The following ANK1 variants were observed in gnomAD, a reference collection of about 807,000 sequenced individuals.
ANK1 encodes the protein ankyrin 1, also known as ankyrin-1.
In ANK1, 51 loss-of-function variants were observed where a neutral mutation model predicts 210.4. The observed-to-expected ratio is 0.24, with a 90% CI of 0.19 to 0.31. The LOEUF is 0.31. Ranked by LOEUF, ANK1 falls within the 10% of genes least tolerant of loss-of-function variation. The pLI is 1.00. For synonymous variants in ANK1, 967 were observed against 1,025.9 expected (o/e 0.94, Z 1.10); for missense variants, 2,051 against 2,504.4 (o/e 0.82, Z 3.86).
At chr8:41,735,326 T>G (rs1833157304) in intron 2 of ANK1, among the ~76,000 whole-genome samples, 1 of 152,208 alleles carries the variant, frequency 6.6e-6, no homozygotes, top group Non-Finnish European at 1.5e-5. Context: ...AGAAAATGAT[T>G]TTAGTCAGTG....
intron 1 of ANK1, among the ~76,000 whole-genome samples, chr8:41,863,292 G>C (rs1475529977): frequency 2.0e-5 from 3 of 149,726 alleles, no homozygotes; most frequent in African/African-American, 7.4e-5. Flanking sequence ...CCAGGAGGCA[G>C]AGTTTGCAGT....
intron 1 of ANK1, among the ~76,000 whole-genome samples, chr8:41,861,341 G>A (rs939695926): frequency 6.6e-6 from 1 of 152,152 alleles, no homozygotes; most frequent in Non-Finnish European, 1.5e-5. Flanking sequence ...GCTCCATGAC[G>A]AAAGGGTTCC....
At chr8:41,823,909 T>C (rs1804902897) in intron 1 of ANK1, among the ~76,000 whole-genome samples, 1 of 152,192 alleles carries the variant, frequency 6.6e-6, no homozygotes, top group Non-Finnish European at 1.5e-5. Context: ...TTTTACAACA[T>C]ATATATGTAT....
At chr8:41,799,468 C>T (rs962008833), upstream of ANK1, among the ~76,000 whole-genome samples, 7 of 152,180 alleles carry the variant, frequency 4.6e-5, no homozygotes, top group Non-Finnish European at 8.8e-5. Flanking sequence ...GCCGTTTCAC[C>T]ATCCAAGGAA....
chr8:41,718,334 T>C (rs1828296880), intron 10 of ANK1, 130 bp from the exon 11 acceptor site: 4 of 772,390 alleles, frequency 5.2e-6, no homozygotes, highest in Non-Finnish European at 8.9e-6. Context: ...CATAGACCAA[T>C]CAACGAATTA....
At chr8:41,758,742 TG>T (rs928365160) in intron 1 of ANK1, among the ~76,000 whole-genome samples, 20 of 152,190 alleles carry the variant, frequency 1.3e-4, no homozygotes, top group African/African-American at 4.8e-4. Flanking sequence ...CAGCACAGCC[TG>T]GTGTCTCCCT....
At chr8:41,729,765 A>G (rs2150666241) in intron 3 of ANK1, among the ~76,000 whole-genome samples, 1 of 152,346 alleles carries the variant, frequency 6.6e-6, no homozygotes, top group East Asian at 1.9e-4. Context: ...GGATACCCAC[A>G]GCCTTCCAGC....
At chr8:41,707,053 T>C (rs1824783917) in intron 17 of ANK1, among the ~76,000 whole-genome samples, 2 of 152,192 alleles carry the variant, frequency 1.3e-5, no homozygotes, top group African/African-American at 4.8e-5. Context: ...TGAGCCAAGA[T>C]TGCACTACTG....
At chr8:41,703,023 G>A (rs1171243704) in intron 20 of ANK1, among the ~76,000 whole-genome samples, 1 of 151,478 alleles carries the variant, frequency 6.6e-6, no homozygotes, top group African/African-American at 2.4e-5. Context: ...ACAGGGTTTT[G>A]CCCTGGAGTG....
rs113844039 is a variant in ANK1, at chr8:41,874,171, A to G, written c.126+22184T>C. ...CCCGCAGGTAGGTAGGGAGTAGGGCAGCCGCACTTAGGGATGGACCAGGTA... is the reference window on the plus strand; with the variant it reads ...CCCGCAGGTAGGTAGGGAGTAGGGCGGCCGCACTTAGGGATGGACCAGGTA... On this transcript the variant is annotated intron_variant, in intron 1 of 42. Transcript: ENST00000265709. 7.7e-3 allele frequency among the ~76,000 whole-genome samples: 1,172 copies of G among 152,344 alleles called. 20 individuals carry two copies. Among genetic ancestry groups the G allele is most frequent in the African/African-American group, 0.026 (1,101 of 41,594 alleles).
chr8:41,661,337 G>T (rs753211093), intron 42 of ANK1, 93 bp downstream of exon 42: 4 of 1,530,396 alleles, frequency 2.6e-6, no homozygotes, highest in African/African-American at 1.4e-5. Context: ...CCCACATCAT[G>T]CTGGGGTGGC....
rs758035499 is a variant in ANK1, at chr8:41,693,086, T to TG, written c.3629+18dup. The stretch of plus-strand genomic sequence containing the variant: ...GAGGACGGCCCACACAATACTGGGC[T>TG]GGGCTGGCCTCGTCTCACCTGGCAG... On this transcript the variant is annotated intron_variant, in intron 30 of 42. Coordinates refer to ENST00000289734, the MANE Select transcript of ANK1 (RefSeq NM_000037.4). 5 of 1,587,580 alleles carry TG rather than the reference T, an allele frequency of 3.1e-6. No homozygotes were observed. The highest frequency in any genetic ancestry group is 4.3e-6 in the Non-Finnish European group (5 of 1,155,860).
At chr8:41,707,486 AGCAGGTGGGCCCCTCCT>A (rs1824911832) in intron 17 of ANK1, among the ~76,000 whole-genome samples, 1 of 152,222 alleles carries the variant, frequency 6.6e-6, no homozygotes, top group Non-Finnish European at 1.5e-5. Flanking sequence ...CTGCAGCCAA[AGCAGGTGGGCCCCTCCT>A]GCAGGCAGGC....
At chr8:41,743,001 C>G (rs925406199) in intron 2 of ANK1, among the ~76,000 whole-genome samples, 5 of 152,314 alleles carry the variant, frequency 3.3e-5, no homozygotes, top group Non-Finnish European at 5.9e-5. Flanking sequence ...TATAAACAAG[C>G]AAGTGCTATA....
In ANK1 at chr8:41,726,196, T is replaced by C. The variant is rs6987189; in HGVS notation, c.427-250A>G. 0.043 allele frequency among the ~76,000 whole-genome samples: 6,558 copies of C among 152,278 alleles called. 174 individuals carry two copies. Among genetic ancestry groups the C allele is most frequent in the Non-Finnish European group, 0.056 (3,781 of 68,018 alleles). On this transcript the variant is annotated intron_variant, in intron 5 of 42. Coordinates refer to ENST00000289734, the MANE Select transcript of ANK1 (RefSeq NM_000037.4). The stretch of plus-strand genomic sequence containing the variant: ...GAATTTTTCTTTAGCATTAATTTAG[T>C]TTTCCTTTATAATTTGCTTCCAGTT...
rs749849146 is a variant in ANK1 at position 41,694,742 on chromosome 8, G to A, written c.3177C>T (p.Phe1059=). 5 of 1,614,052 alleles carry A rather than the reference G, an allele frequency of 3.1e-6. No individual in the cohort carries two copies. The South Asian group carries it at 4.4e-5, about 14-fold the overall frequency. The part of the protein sequence containing the change: ...KRVCRIITTD[F]PLYFVIMSRL... ...GTGACATGATCACGAAGTACAGCGG[G>A]AAGTCGGTGGTGATGATTCGGCACA... is the stretch of plus-strand genomic sequence containing the variant. Residue 1059 remains phenylalanine (F), a synonymous_variant, in exon 28 of 43, where the codon TTC becomes TTT. Coordinates refer to ENST00000289734, the MANE Select transcript of ANK1 (RefSeq NM_000037.4). This position sits in a 1 kb window ranked among gnomAD's most constrained non-coding sequence, Gnocchi z 5.7.
intron 1 of ANK1, among the ~76,000 whole-genome samples, chr8:41,885,506 T>C (rs1818311876): frequency 6.6e-6 from 1 of 152,230 alleles, no homozygotes; most frequent in Non-Finnish European, 1.5e-5. Context: ...TTTCCAGACA[T>C]TGCTCCATGT....
At chr8:41,662,669 G>A (rs1314339351) in intron 40 of ANK1, among the ~76,000 whole-genome samples, 1 of 152,196 alleles carries the variant, frequency 6.6e-6, no homozygotes, top group African/African-American at 2.4e-5. Context: ...TGCTCTGAGT[G>A]GGAGGTGAAA....
At chr8:41,763,614 G>T (rs1387041875) in intron 1 of ANK1, among the ~76,000 whole-genome samples, 1 of 152,134 alleles carries the variant, frequency 6.6e-6, no homozygotes, top group African/African-American at 2.4e-5. Flanking sequence ...CAGGCTGGCG[G>T]CTGGGCAGGC....
Sources: gnomAD v4.1 joint callset for allele counts (sites outside exome capture counted in the v4.1 genomes callset) on GRCh38, gnomAD v4.1.1 for gene constraint, Gnocchi (gnomAD v3.1) non-coding constraint, MANE v1.5 for transcripts, NCBI Gene and HGNC (gene_info 2026-07-23, HGNC 2026-07-21) for gene names.